RTF1: variants seen among roughly 807,000 people sequenced by gnomAD.
RTF1 encodes RTF1 homolog, Paf1/RNA polymerase II complex component.
In RTF1, 10 loss-of-function variants were observed where a neutral mutation model predicts 95.7. The observed-to-expected ratio is 0.10, with a 90% CI of 0.06 to 0.18. The LOEUF (loss-of-function observed/expected upper bound fraction) is 0.18. Ranked by LOEUF, RTF1 falls within the 10% of genes least tolerant of loss-of-function variation. RTF1 has a pLI of 1.00. For missense variants in RTF1, 458 were observed against 875.6 expected (o/e 0.52, Z 6.02); for synonymous variants, 305 against 311.8 (o/e 0.98, Z 0.23).
In RTF1 at chr15:41,417,168, C is replaced by T. The variant is rs1398484933; in HGVS notation, c.53C>T (p.Ala18Val). The T allele has an allele frequency of 1.3e-5, 17 of 1,262,216 alleles. No homozygotes were observed. Among genetic ancestry groups the T allele is most frequent in the African/African-American group, 3.1e-5 (2 of 64,530 alleles). The allele number at this position is 1,262,216 out of a possible 1,614,324, so 78.2% of individuals were successfully genotyped here. ...GCAGCGGCGGCGGCGGCGGCAGTGG[C>T]GGTCCCACTGGCAGGCGGGCAAGAG... ...GRAAAAAAAVAVPLAGGQEGS... is the reference protein window; with the variant it reads ...GRAAAAAAAVVVPLAGGQEGS... Residue 18 changes from alanine to valine, a missense_variant, in exon 1 of 18, where the codon GCG (alanine) becomes GTG (valine). Ala to Val is a moderately conservative substitution (Grantham distance 64, BLOSUM62 0). Transcript: ENST00000389629.
intron 3 of RTF1, among the ~76,000 whole-genome samples, chr15:41,456,365 T>C (rs571084067): frequency 6.6e-6 from 1 of 151,200 alleles, no homozygotes; most frequent in East Asian, 2.0e-4. Flanking sequence ...GGTGGGCATC[T>C]ATAATCCCAG....
chr15:41,460,371 C>T (rs1435643947), intron 4 of RTF1, among the ~76,000 whole-genome samples: 1 of 152,094 alleles, frequency 6.6e-6, no homozygotes, highest in Non-Finnish European at 1.5e-5. Flanking sequence ...GATCCACCTG[C>T]CTCAGCCTCC....
At chr15:41,454,575 A>T (rs1398368742) in intron 3 of RTF1, among the ~76,000 whole-genome samples, 2 of 152,206 alleles carry the variant, frequency 1.3e-5, no homozygotes, top group Non-Finnish European at 2.9e-5. Context: ...TTCTGCCTAT[A>T]CATACTATTA....
chr15:41,459,747 A>T (rs575835922), intron 4 of RTF1, among the ~76,000 whole-genome samples: 39 of 152,326 alleles, frequency 2.6e-4, no homozygotes, highest in African/African-American at 8.9e-4. Flanking sequence ...GTATTTTTTT[A>T]AAAAGTCAAG....
intron 1 of RTF1, among the ~76,000 whole-genome samples, chr15:41,435,400 G>A (rs1262700662): frequency 6.6e-6 from 1 of 151,208 alleles, no homozygotes; most frequent in African/African-American, 2.4e-5. Context: ...ATAGAGACTG[G>A]GTCTCTACAA....
intron 4 of RTF1, among the ~76,000 whole-genome samples, chr15:41,461,268 A>G (rs957351719): frequency 6.7e-6 from 1 of 149,228 alleles, no homozygotes; most frequent in African/African-American, 2.5e-5. Context: ...GTCTCCATCC[A>G]CCTCCTGACC....
At chr15:41,455,418 T>C (rs2050808324) in intron 3 of RTF1, among the ~76,000 whole-genome samples, 1 of 152,180 alleles carries the variant, frequency 6.6e-6, no homozygotes, top group Non-Finnish European at 1.5e-5. Flanking sequence ...GGAGGCCATT[T>C]TTCTAAGTGA....
At position 41,465,416 on chromosome 15, in the gene RTF1, A is replaced by T. The variant is rs142853241; in HGVS notation, c.777+531A>T. Among the ~76,000 whole-genome samples the T allele has an allele frequency of 2.1e-3, 319 of 152,330 alleles. 1 individual carries two copies. The highest frequency in any genetic ancestry group is 7.3e-3 in the African/African-American group (302 of 41,582). ...AGCACTTTGAGAGGCCGAGGCAGAC[A>T]GATCACTCAAGGCCAGGAGTTTGAG... On this transcript the variant is annotated intron_variant, in intron 5 of 17. Coordinates refer to ENST00000389629, the MANE Select transcript of RTF1 (RefSeq NM_015138.5).
chr15:41,471,412 C>T (rs1595439400), intron 8 of RTF1, 63 bp downstream of exon 8: 2 of 1,491,132 alleles, frequency 1.3e-6, no homozygotes, highest in East Asian at 2.3e-5. Context: ...CAACTGAGGG[C>T]AGGAGCTACT....
chr15:41,436,348 T>C (rs1270684848), intron 1 of RTF1, among the ~76,000 whole-genome samples: 1 of 147,048 alleles, frequency 6.8e-6, no homozygotes, highest in Non-Finnish European at 1.5e-5. Context: ...TCCCAGCTAC[T>C]CAGGAGGCTG....
chr15:41,441,836 C>T (rs542291875), intron 2 of RTF1, among the ~76,000 whole-genome samples: 5 of 152,312 alleles, frequency 3.3e-5, no homozygotes, highest in Admixed American at 2.0e-4. Flanking sequence ...AACTCTACTC[C>T]AGTCCCTCTC....
At chr15:41,437,901 A>G (rs571292295) in intron 1 of RTF1, among the ~76,000 whole-genome samples, 4 of 152,290 alleles carry the variant, frequency 2.6e-5, no homozygotes, top group Admixed American at 2.0e-4. Flanking sequence ...ACAGTTTGTA[A>G]GCTTATTCAA....
At chr15:41,459,728 A>G (rs1454410643) in intron 4 of RTF1, among the ~76,000 whole-genome samples, 1 of 152,144 alleles carries the variant, frequency 6.6e-6, no homozygotes, top group Non-Finnish European at 1.5e-5. Flanking sequence ...ATCCTCTAGC[A>G]TGGTTTTTGT....
chr15:41,471,047 A>G, intron 7 of RTF1, 125 bp from the exon 8 acceptor site: 1 of 856,324 alleles, frequency 1.2e-6, no homozygotes, highest in East Asian at 2.5e-5. Flanking sequence ...CTGGTGCTTC[A>G]TTTACTTCTC....
intron 1 of RTF1, 109 bp from the exon 2 acceptor site, chr15:41,438,212 T>C: frequency 1.5e-6 from 1 of 663,548 alleles, no homozygotes; most frequent in South Asian, 2.4e-5. Flanking sequence ...TGTCCTTTAG[T>C]TGAAAACACA....
chr15:41,479,350 T>C (rs891528954), intron 16 of RTF1, 152 bp downstream of exon 16: 2 of 608,218 alleles, frequency 3.3e-6, no homozygotes, highest in Middle Eastern at 4.5e-4. Context: ...TTTACAGATA[T>C]AATCAACAGA....
chr15:41,464,371 C>T (rs2050869645), intron 4 of RTF1, among the ~76,000 whole-genome samples: 1 of 151,280 alleles, frequency 6.6e-6, no homozygotes, highest in Admixed American at 6.6e-5. Flanking sequence ...GCCTCAGCCT[C>T]CCAAGTAGCT....
At position 41,481,372 on chromosome 15, in the gene RTF1, C is replaced by G. The variant is rs1016422826; in HGVS notation, c.*685C>G. 5.3e-5 allele frequency: 8 copies of G among 152,246 alleles called. No homozygotes were observed. The highest frequency in any genetic ancestry group is 4.6e-4 in the Admixed American group (7 of 15,238). The allele number at this position is 152,246 out of a possible 1,614,324, so 9.4% of individuals were successfully genotyped here. A position where few individuals can be genotyped will look rare whatever the true frequency, so the allele number is the denominator to read the frequency against. ...GTCTGTCATGGGTCTATAGCTGTTT[C>G]AGATTTTTTTCAGCTGTACTTGAGC... On this transcript the variant is annotated 3_prime_UTR_variant, in exon 18 of 18. Coordinates refer to ENST00000389629, the MANE Select transcript of RTF1 (RefSeq NM_015138.5).
intron 11 of RTF1, 113 bp from the exon 12 acceptor site, chr15:41,476,333 A>G: frequency 1.3e-6 from 1 of 781,718 alleles, no homozygotes; most frequent in Non-Finnish European, 2.3e-6. Context: ...ACACTGCTGT[A>G]GGAAGAGCAG....
Sources: gnomAD v4.1 joint callset for allele counts (sites outside exome capture counted in the v4.1 genomes callset) on GRCh38, gnomAD v4.1.1 for gene constraint, MANE v1.5 for transcripts, NCBI Gene and HGNC (gene_info 2026-07-23, HGNC 2026-07-21) for gene names.